Variants in UGT1A10 observed in about 807,000 individuals in gnomAD.
UGT1A10 encodes UDP-glucuronosyltransferase 1A10.
A neutral mutation model predicts 45.8 loss-of-function variants in UGT1A10; 49 were observed. That is an observed-to-expected ratio of 1.07 (90% CI 0.85 to 1.36). UGT1A10 has a LOEUF of 1.36. Ranked by LOEUF, UGT1A10 falls within the 40% of genes most tolerant of loss-of-function variation. The probability of loss-of-function intolerance (pLI) is 0.00; values close to 1 mark genes in which losing one functional copy is unlikely to be tolerated. For missense variants in UGT1A10, 745 were observed against 668.6 expected, an observed-to-expected ratio of 1.11 and a Z score of -1.26; for synonymous variants, 284 against 249.7, an observed-to-expected ratio of 1.14 and a Z score of -1.29.
intron 1 of UGT1A10, among the ~76,000 whole-genome samples, chr2:233,740,070 C>T (rs1691295893): frequency 6.6e-6 from 1 of 151,860 alleles, no homozygotes; most frequent in South Asian, 2.1e-4. Context: ...AGCTTTTCCT[C>T]TCTGTCTCTC....
intron 1 of UGT1A10, among the ~76,000 whole-genome samples, chr2:233,725,934 T>C (rs986998234): frequency 1.6e-4 from 25 of 152,166 alleles, no homozygotes; most frequent in Admixed American, 5.2e-4. Context: ...GGGAGACTGA[T>C]GCAGGAGGAT....
chr2:233,772,147 T>C, intron 4 of UGT1A10, 115 bp from the exon 5 acceptor site: 1 of 1,552,928 alleles, frequency 6.4e-7, no homozygotes, highest in East Asian at 2.4e-5. Flanking sequence ...TAGAAACAGG[T>C]TTCCTTTCCC....
At chr2:233,699,908 A>G (rs1025007086) in intron 1 of UGT1A10, among the ~76,000 whole-genome samples, 2 of 152,222 alleles carry the variant, frequency 1.3e-5, no homozygotes, top group African/African-American at 4.8e-5. Flanking sequence ...AGTCAGTAGG[A>G]TATACGTAGA....
At chr2:233,720,705 T>C (rs1394556391) in intron 1 of UGT1A10, among the ~76,000 whole-genome samples, 4 of 134,894 alleles carry the variant, frequency 3.0e-5, no homozygotes, top group Admixed American at 7.2e-5. Context: ...GGAGCCATCC[T>C]TTTTTTTTTT....
intron 1 of UGT1A10, among the ~76,000 whole-genome samples, chr2:233,751,658 T>G (rs978244282): frequency 2.0e-5 from 3 of 152,214 alleles, no homozygotes; most frequent in African/African-American, 7.2e-5. Context: ...CTCATCCTAC[T>G]GAGTGAGTTC....
chr2:233,710,987 A>G (rs532291825), intron 1 of UGT1A10, among the ~76,000 whole-genome samples: 1 of 152,344 alleles, frequency 6.6e-6, no homozygotes, highest in East Asian at 1.9e-4. Context: ...AATCATTCAG[A>G]TCAGGCTATT....
At chr2:233,713,098 C>T (rs2076277745) in intron 1 of UGT1A10, 2 of 1,614,198 alleles carry the variant, frequency 1.2e-6, no homozygotes, top group Non-Finnish European at 8.5e-7. Context: ...GTGGTGCCCA[C>T]TGATGGCAGC....
intron 1 of UGT1A10, chr2:233,681,856 C>T: frequency 1.3e-6 from 2 of 1,520,208 alleles, no homozygotes; most frequent in Non-Finnish European, 1.8e-6. Flanking sequence ...CTTTTGAGGG[C>T]AGGTTCTATC....
At chr2:233,695,882 T>G (rs1280784991) in intron 1 of UGT1A10, among the ~76,000 whole-genome samples, 1 of 152,182 alleles carries the variant, frequency 6.6e-6, no homozygotes, top group Non-Finnish European at 1.5e-5. Flanking sequence ...GCAGAAAACT[T>G]CAGTGAACAA....
rs749212538 is a variant in UGT1A10 at position 233,718,994 on chromosome 2, G to C, written c.856-48040G>C. On this transcript the variant is annotated intron_variant, in intron 1 of 4. Coordinates refer to ENST00000344644, the MANE Select transcript of UGT1A10 (RefSeq NM_019075.4). ...AGCTCCATGCCAGAGGCCACCAGGCGGTGGTCCTCACCCCAGAGGTGAATA... is the reference window on the plus strand; with the variant it reads ...AGCTCCATGCCAGAGGCCACCAGGCCGTGGTCCTCACCCCAGAGGTGAATA... 11 of 1,613,986 alleles carry C rather than the reference G, an allele frequency of 6.8e-6. No individual in the cohort carries two copies. In the Admixed American group the frequency reaches 1.2e-4, roughly 17 times the overall value.
At chr2:233,743,088 A>T (rs942184123) in intron 1 of UGT1A10, 6 of 346,134 alleles carry the variant, frequency 1.7e-5, no homozygotes, top group African/African-American at 1.3e-4. Context: ...AGTGTTTATA[A>T]ATTCTTGGGT....
At chr2:233,713,515 A>G (rs2125634439) in intron 1 of UGT1A10, 1 of 1,613,910 alleles carries the variant, frequency 6.2e-7, no homozygotes. Context: ...TTCTTGAGGA[A>G]CATTCCATGT....
At chr2:233,706,654 T>C (rs1204703163) in intron 1 of UGT1A10, among the ~76,000 whole-genome samples, 1 of 152,174 alleles carries the variant, frequency 6.6e-6, no homozygotes, top group Non-Finnish European at 1.5e-5. Flanking sequence ...GCCCCATCAC[T>C]GTAGGTCTGA....
At chr2:233,759,947 C>T (rs1327771342) in intron 1 of UGT1A10, among the ~76,000 whole-genome samples, 1 of 152,176 alleles carries the variant, frequency 6.6e-6, no homozygotes, top group Non-Finnish European at 1.5e-5. Flanking sequence ...CTAACTTGTT[C>T]ACTACATAGT....
At chr2:233,674,613 C>G (rs1266868243) in intron 1 of UGT1A10, among the ~76,000 whole-genome samples, 1 of 151,310 alleles carries the variant, frequency 6.6e-6, no homozygotes, top group East Asian at 1.9e-4. Flanking sequence ...AAACATCAAA[C>G]TATATATGGT....
intron 1 of UGT1A10, among the ~76,000 whole-genome samples, chr2:233,707,020 A>G (rs1443215716): frequency 6.6e-6 from 1 of 152,188 alleles, no homozygotes; most frequent in African/African-American, 2.4e-5. Flanking sequence ...ATCCATGGTC[A>G]GCCAGCCCCC....
intron 1 of UGT1A10, among the ~76,000 whole-genome samples, chr2:233,728,340 T>A (rs2077702192): frequency 6.6e-6 from 1 of 152,202 alleles, no homozygotes; most frequent in African/African-American, 2.4e-5. Flanking sequence ...CCCCAGTCCC[T>A]TGGTGAGCAG....
intron 1 of UGT1A10, among the ~76,000 whole-genome samples, chr2:233,681,393 G>T (rs1478983291): frequency 6.6e-6 from 1 of 151,836 alleles, no homozygotes; most frequent in Non-Finnish European, 1.5e-5. Context: ...AGTTAGCTGG[G>T]CATGGCAGCG....
At chr2:233,736,701 G>T (rs1378628991) in intron 1 of UGT1A10, among the ~76,000 whole-genome samples, 1 of 152,172 alleles carries the variant, frequency 6.6e-6, no homozygotes, top group Non-Finnish European at 1.5e-5. Context: ...ATGGGGTTTT[G>T]GTGTAGATGT....
Sources: gnomAD v4.1 joint callset for allele counts (sites outside exome capture counted in the v4.1 genomes callset) on GRCh38, gnomAD v4.1.1 for gene constraint, MANE v1.5 for transcripts, NCBI Gene and HGNC (gene_info 2026-07-23, HGNC 2026-07-21) for gene names.